PIEZO2: variants seen among roughly 807,000 people sequenced by gnomAD.
PIEZO2 encodes piezo type mechanosensitive ion channel component 2, also known as piezo-type mechanosensitive ion channel component 2.
In PIEZO2, 172 loss-of-function variants were observed where a neutral mutation model predicts 337.3. The observed-to-expected ratio is 0.51, with a 90% CI of 0.45 to 0.58. PIEZO2 has a LOEUF of 0.58. Ranked by LOEUF, PIEZO2 falls within the 20% of genes least tolerant of loss-of-function variation. The pLI is 0.00. For missense variants in PIEZO2, 3,028 were observed against 3,391.3 expected (o/e 0.89, Z 2.66); for synonymous variants, 1,251 against 1,228.5 (o/e 1.02, Z -0.38).
chr18:10,767,343 A>C lies in PIEZO2; in HGVS notation c.2946+2805T>G, dbSNP rs922685015. ...AACTTTGAAAAGGTTTAATATTTGC[A>C]GGAGAGATGAACCCAAAAGTTGTGA... On this transcript the variant is annotated intron_variant, in intron 21 of 55. Transcript: ENST00000674853. This position sits in a 1 kb window ranked among gnomAD's most constrained non-coding sequence, Gnocchi z 4.2. Among the ~76,000 whole-genome samples, 2 of 152,146 alleles carry C rather than the reference A, an allele frequency of 1.3e-5. No individual in the cohort carries two copies. The highest frequency in any genetic ancestry group is 4.8e-5 in the African/African-American group (2 of 41,422).
rs1224582508 is a variant in PIEZO2 at position 11,027,345 on chromosome 18, G to C, written c.160+38782C>G. Among the ~76,000 whole-genome samples the C allele has an allele frequency of 6.6e-6, 1 of 152,206 alleles. No homozygotes were observed. Among genetic ancestry groups the C allele is most frequent in the African/African-American group, 2.4e-5 (1 of 41,452 alleles). On this transcript the variant is annotated intron_variant, in intron 2 of 55. Transcript: ENST00000674853. This position sits in a 1 kb window ranked among gnomAD's most constrained non-coding sequence, Gnocchi z 4.2. ...TGTGAATAAAGGAAGGACTGCGACTGTCAATTCACCAGTGAGGCAAGGCAG... is the reference window on the plus strand; with the variant it reads ...TGTGAATAAAGGAAGGACTGCGACTCTCAATTCACCAGTGAGGCAAGGCAG...
chr18:10,755,815 G>A (rs1007042139), intron 27 of PIEZO2, among the ~76,000 whole-genome samples: 2 of 147,228 alleles, frequency 1.4e-5, no homozygotes, highest in African/African-American at 4.9e-5. Context: ...AAGAAGTGAG[G>A]ATGAGGACCA....
chr18:11,054,985 G>A (rs1193953409), intron 2 of PIEZO2, among the ~76,000 whole-genome samples: 6 of 152,110 alleles, frequency 3.9e-5, no homozygotes, highest in African/African-American at 9.7e-5. Flanking sequence ...GCCGAGGAGG[G>A]CAGATCACGA....
Position 10,724,798 on chromosome 18 carries a change from C to G in PIEZO2, c.5030-6539G>C. ...AGTCCCCCCAGCACTGCAGCCCCAGCCTGAGCAGCAGTCGTTCTCACAGAT... is the reference window on the plus strand; with the variant it reads ...AGTCCCCCCAGCACTGCAGCCCCAGGCTGAGCAGCAGTCGTTCTCACAGAT... On this transcript the variant is annotated intron_variant, in intron 36 of 55. Transcript: ENST00000674853. The surrounding 1 kb of genome is among the most constrained non-coding windows in gnomAD (Gnocchi z 5.8). The G allele has an allele frequency of 6.3e-7, 1 of 1,587,158 alleles. No individual in the cohort carries two copies. The highest frequency in any genetic ancestry group is 8.6e-7 in the Non-Finnish European group (1 of 1,164,980).
rs533711418 is a variant in PIEZO2, at chr18:10,898,546, C to T, written c.329+12640G>A. On this transcript the variant is annotated intron_variant, in intron 4 of 55. Transcript: ENST00000674853. ...TTTGACTGAAAATGTGGGTGGGGGA[C>T]GTCCTGAATATTAGGTTGGGGAGTT... 1.3e-4 allele frequency among the ~76,000 whole-genome samples: 20 copies of T among 152,142 alleles called. No homozygotes were observed. The South Asian group carries it at 3.7e-3, about 28-fold the overall frequency.
At chr18:10,875,466 GAAAA>G (rs2042245627) in intron 4 of PIEZO2, among the ~76,000 whole-genome samples, 1 of 152,130 alleles carries the variant, frequency 6.6e-6, no homozygotes, top group Non-Finnish European at 1.5e-5. Context: ...AGACCAGTAA[GAAAA>G]AAGGCCAGGC....
chr18:10,715,864 G>T, intron 37 of PIEZO2, 48 bp from the exon 38 acceptor site: 1 of 1,415,750 alleles, frequency 7.1e-7, no homozygotes, highest in Non-Finnish European at 9.4e-7. Flanking sequence ...AAATACCATT[G>T]ATTTTACTTT....
In PIEZO2 at chr18:10,754,741, A is replaced by G. The variant is rs111847530; in HGVS notation, c.3924-1862T>C. On this transcript the variant is annotated intron_variant, in intron 27 of 55. Coordinates refer to ENST00000674853, the MANE Select transcript of PIEZO2 (RefSeq NM_001378183.1). ...AATAGAATGGTCAAGTCTGTATAGC[A>G]TATTGTTTTAAAGCAAATTCACTTC... 9.3e-3 allele frequency among the ~76,000 whole-genome samples: 1,421 copies of G among 152,298 alleles called. 12 individuals are homozygous for G. Among genetic ancestry groups the G allele is most frequent in the African/African-American group, 0.032 (1,346 of 41,546 alleles).
Position 10,829,662 on chromosome 18 carries a change from A to T in PIEZO2, c.918-22388T>A, listed in dbSNP as rs2040784588. On this transcript the variant is annotated intron_variant, in intron 7 of 55. Transcript: ENST00000674853. ...AGCATTTCTATATGGCCAACAGCAA[A>T]CAATGTGAAAAAGAAAACAAGAAAG... Among the ~76,000 whole-genome samples, 3 of 152,322 alleles carry T rather than the reference A, an allele frequency of 2.0e-5. No individual in the cohort carries two copies. The South Asian group carries it at 6.2e-4, about 32-fold the overall frequency.
rs370627039 is a variant in PIEZO2, at chr18:10,783,095, G to GA, written c.2492+1688dup. Among the ~76,000 whole-genome samples, 129 of 148,580 alleles carry GA rather than the reference G, an allele frequency of 8.7e-4. 1 individual carries two copies. Among genetic ancestry groups the GA allele is most frequent in the African/African-American group, 2.3e-3 (95 of 40,514 alleles). On this transcript the variant is annotated intron_variant, in intron 17 of 55. Coordinates refer to ENST00000674853, the MANE Select transcript of PIEZO2 (RefSeq NM_001378183.1). This position sits in a 1 kb window ranked among gnomAD's most constrained non-coding sequence, Gnocchi z 4.3. Reference sequence around the variant, plus strand: ...TGCATGCTGGAGGCACTTTTAGTGAGAAAAAAAAATGAATATGCAAGAGAA... The same window carrying GA: ...TGCATGCTGGAGGCACTTTTAGTGAGAAAAAAAAAATGAATATGCAAGAGAA...
intron 2 of PIEZO2, among the ~76,000 whole-genome samples, chr18:11,014,759 C>T (rs1224598582): frequency 1.4e-5 from 2 of 141,850 alleles, no homozygotes; most frequent in Non-Finnish European, 3.1e-5. Context: ...GACAGCAATC[C>T]GGGGCCCCCT....
In PIEZO2 at chr18:10,784,859, T is replaced by C. The variant is rs1598477039; in HGVS notation, c.2417A>G (p.His806Arg). 1 of 1,537,732 alleles carries C rather than the reference T, an allele frequency of 6.5e-7. No homozygotes were observed. The highest frequency in any genetic ancestry group is 8.7e-7 in the Non-Finnish European group (1 of 1,147,000). The change falls in exon 17 of 56, where the codon CAC becomes CGC. Residue 806 changes from histidine (H) to arginine (R), a missense_variant. His to Arg is a conservative substitution (Grantham distance 29). This residue lies in a region of PIEZO2 where 1,925 missense variants were observed against 2,051.9 expected (regional missense o/e 0.94). Transcript: ENST00000674853. The surrounding 1 kb of genome is among the most constrained non-coding windows in gnomAD (Gnocchi z 4.5). ...SFLLVCILHL[H>R]YFHDRFLELT... ...TTCAAGGAACCGGTCATGGAAGTAG[T>C]GCAGGTGTAAAATGCACACCAGCAG... is the stretch of plus-strand genomic sequence containing the variant.
chr18:10,980,776 G>T lies in PIEZO2; in HGVS notation c.161-1116C>A, dbSNP rs551294187. On this transcript the variant is annotated intron_variant, in intron 2 of 55. Coordinates refer to ENST00000674853, the MANE Select transcript of PIEZO2 (RefSeq NM_001378183.1). This position sits in a 1 kb window ranked among gnomAD's most constrained non-coding sequence, Gnocchi z 4.8. The stretch of plus-strand genomic sequence containing the variant: ...TTTTATTAGCAAAAAAATTGAAAAG[G>T]TTTTGTCAATGTGTCAATTTGGCTA... Among the ~76,000 whole-genome samples, 1 of 152,210 alleles carries T rather than the reference G, an allele frequency of 6.6e-6. No homozygotes were observed. The highest frequency in any genetic ancestry group is 1.5e-5 in the Non-Finnish European group (1 of 68,002).
At chr18:11,010,702 A>C (rs1252521653) in intron 2 of PIEZO2, among the ~76,000 whole-genome samples, 1 of 152,206 alleles carries the variant, frequency 6.6e-6, no homozygotes, top group Non-Finnish European at 1.5e-5. Context: ...ATATTCAGGA[A>C]CATCCAGGGG....
chr18:11,073,890 A>C (rs1451516082), intron 1 of PIEZO2, among the ~76,000 whole-genome samples: 1 of 139,310 alleles, frequency 7.2e-6, no homozygotes, highest in Admixed American at 8.2e-5. Flanking sequence ...TCTGTCGCCC[A>C]GGCTGGAGTG....
At position 10,872,872 on chromosome 18, in the gene PIEZO2, A is replaced by C. The variant is rs2042172018; in HGVS notation, c.330-1457T>G. Among the ~76,000 whole-genome samples the C allele has an allele frequency of 6.6e-6, 1 of 152,206 alleles. No homozygotes were observed. Among genetic ancestry groups the C allele is most frequent in the Non-Finnish European group, 1.5e-5 (1 of 68,028 alleles). On this transcript the variant is annotated intron_variant, in intron 4 of 55. Coordinates refer to ENST00000674853, the MANE Select transcript of PIEZO2 (RefSeq NM_001378183.1). The surrounding 1 kb of genome is among the most constrained non-coding windows in gnomAD (Gnocchi z 4.3). ...TTTAAAATAGGGAGGATACAGGTAG[A>C]GGAGTCAAGAGTCTGTACCAGCATT...
chr18:10,897,500 T>C (rs1403627240), intron 4 of PIEZO2, among the ~76,000 whole-genome samples: 1 of 152,156 alleles, frequency 6.6e-6, no homozygotes, highest in Non-Finnish European at 1.5e-5. Context: ...AGATCTGATG[T>C]TTTTATAAGG....
intron 2 of PIEZO2, among the ~76,000 whole-genome samples, chr18:11,015,095 C>T (rs2145682261): frequency 7.3e-6 from 1 of 137,230 alleles, no homozygotes; most frequent in Admixed American, 7.0e-5. Context: ...GGACAGCGAT[C>T]CGGGGCCCCC....
In PIEZO2 at chr18:10,886,376, G is replaced by GTA. The variant is rs1285711264; in HGVS notation, c.330-14962_330-14961insTA. 5.8e-4 allele frequency among the ~76,000 whole-genome samples: 8 copies of GTA among 13,800 alleles called. 1 individual carries two copies. The highest frequency in any genetic ancestry group is 6.2e-4 in the African/African-American group (1 of 1,604). 9.1% of individuals were successfully genotyped at this position (13,800 alleles called of 152,430 possible). On this transcript the variant is annotated intron_variant, in intron 4 of 55. Transcript: ENST00000674853. ...CACACACACACATATATATGTGTGT[G>GTA]TGTGTATATATATATATATATATAT...
Sources: gnomAD v4.1 joint callset for allele counts (sites outside exome capture counted in the v4.1 genomes callset) on GRCh38, gnomAD v4.1.1 for gene constraint, gnomAD v4.1.1 regional missense constraint, Gnocchi (gnomAD v3.1) non-coding constraint, MANE v1.5 for transcripts, NCBI Gene and HGNC (gene_info 2026-07-23, HGNC 2026-07-21) for gene names.